The following PNLIPRP1 variants were observed in gnomAD, a reference collection of about 807,000 sequenced individuals.
PNLIPRP1 encodes the protein inactive pancreatic lipase-related protein 1.
PNLIPRP1 carries 57 observed loss-of-function variants against 54.6 expected under a neutral mutation model. The observed-to-expected ratio is 1.04, with a 90% CI of 0.84 to 1.30. PNLIPRP1 has a LOEUF of 1.30. Ranked by LOEUF, PNLIPRP1 falls within the 50% of genes most tolerant of loss-of-function variation. The pLI is 0.00. For missense variants in PNLIPRP1, 567 were observed against 568.5 expected (o/e 1.00, Z 0.03); for synonymous variants, 232 against 208.8 (o/e 1.11, Z -0.96).
intron 12 of PNLIPRP1, among the ~76,000 whole-genome samples, chr10:116,608,828 C>A (rs1405367873): frequency 3.3e-5 from 5 of 152,342 alleles, no homozygotes; most frequent in Middle Eastern, 3.4e-3. Context: ...ACTCCAGAAC[C>A]ATAGCAGACC....
At chr10:116,595,273 A>C (rs1847715540) in intron 5 of PNLIPRP1, 1 of 204,492 alleles carries the variant, frequency 4.9e-6, no homozygotes, top group Non-Finnish European at 1.0e-5. Context: ...GCCAACGGAC[A>C]GTACGTGCAA....
intron 11 of PNLIPRP1, 98 bp downstream of exon 11, chr10:116,604,236 T>C: frequency 5.2e-6 from 3 of 580,322 alleles, no homozygotes; most frequent in Non-Finnish European, 9.1e-6. Flanking sequence ...TATATGTCAC[T>C]GGTTTTTAAT....
intron 10 of PNLIPRP1, among the ~76,000 whole-genome samples, chr10:116,601,802 G>A (rs1284595207): frequency 1.3e-5 from 2 of 152,170 alleles, no homozygotes; most frequent in African/African-American, 2.4e-5. Context: ...TTCCATAGGA[G>A]GTGACCCAGT....
intron 12 of PNLIPRP1, among the ~76,000 whole-genome samples, chr10:116,607,377 G>C (rs1847952687): frequency 6.6e-6 from 1 of 152,144 alleles, no homozygotes. Flanking sequence ...TCAGACTTAT[G>C]GTTCACAGGG....
Position 116,591,844 on chromosome 10 carries a change from C to T in PNLIPRP1, c.123C>T (p.Pro41=). The T allele has an allele frequency of 1.2e-6, 2 of 1,614,206 alleles. No individual in the cohort carries two copies. The highest frequency in any genetic ancestry group is 8.5e-7 in the Non-Finnish European group (1 of 1,180,044). The change falls in exon 3 of 13, where the codon CCC becomes CCT. Residue 41 remains proline (P), a synonymous_variant. Coordinates refer to ENST00000358834, the MANE Select transcript of PNLIPRP1 (RefSeq NM_006229.4). ...TEPWGGTAIR[P]LKILPWSPEK... is the part of the protein sequence containing the mutation. Reference sequence around the variant, plus strand: ...CCTGGGGCGGGACAGCAATCAGGCCCCTGAAAATTCTCCCCTGGAGCCCTG... The same window carrying T: ...CCTGGGGCGGGACAGCAATCAGGCCTCTGAAAATTCTCCCCTGGAGCCCTG...
At chr10:116,604,206 T>C (rs1226022411) in intron 11 of PNLIPRP1, 68 bp downstream of exon 11, 3 of 819,986 alleles carry the variant, frequency 3.7e-6, no homozygotes, top group Non-Finnish European at 6.2e-6. Context: ...CACACTTAAT[T>C]TGAACACTTA....
chr10:116,595,727 C>T (rs1206478638), intron 5 of PNLIPRP1: 2 of 153,568 alleles, frequency 1.3e-5, no homozygotes, highest in Admixed American at 6.4e-5. Context: ...CATCAAGGAG[C>T]TTGCAGTGAA....
chr10:116,602,871 G>A (rs1442489349), intron 10 of PNLIPRP1, among the ~76,000 whole-genome samples: 1 of 152,194 alleles, frequency 6.6e-6, no homozygotes, highest in African/African-American at 2.4e-5. Flanking sequence ...GGGTGTCTAT[G>A]TATGTGCGTG....
At chr10:116,591,506 T>A (rs1847635446) in intron 2 of PNLIPRP1, among the ~76,000 whole-genome samples, 1 of 152,196 alleles carries the variant, frequency 6.6e-6, no homozygotes, top group South Asian at 2.1e-4. Context: ...GAGCTAGGAA[T>A]GGGACTTAGA....
Position 116,598,047 on chromosome 10 carries a change from G to A in PNLIPRP1, c.695G>A (p.Gly232Asp). 1.2e-6 allele frequency: 2 copies of A among 1,614,072 alleles called. No individual in the cohort carries two copies. The highest frequency in any genetic ancestry group is 1.7e-6 in the Non-Finnish European group (2 of 1,180,012). The change falls in exon 8 of 13, where the codon GGT becomes GAT. Residue 232 changes from glycine to aspartate, a missense_variant and splice_region_variant. Physicochemically the swap from Gly to Asp is moderately conservative, Grantham distance 94. Coordinates refer to ENST00000358834, the MANE Select transcript of PNLIPRP1 (RefSeq NM_006229.4). Reference protein sequence around the residue: ...TDAAPLIPFLGFGTNQQMGHL... With the variant: ...TDAAPLIPFLDFGTNQQMGHL... ...CTCATTGTTTTTCTAAGCATTTCAG[G>A]TTTTGGAACGAACCAACAGATGGGT...
rs782627334 is a variant in PNLIPRP1, at chr10:116,591,834, C to T, written c.113C>T (p.Ala38Val). ...FSDTEPWGGTAIRPLKILPWS... is the reference protein window; with the variant it reads ...FSDTEPWGGTVIRPLKILPWS... ...GACACTGAGCCCTGGGGCGGGACAGCAATCAGGCCCCTGAAAATTCTCCCC... is the reference window on the plus strand; with the variant it reads ...GACACTGAGCCCTGGGGCGGGACAGTAATCAGGCCCCTGAAAATTCTCCCC... The change falls in exon 3 of 13, where the codon GCA becomes GTA. Residue 38 changes from alanine (A) to valine (V), a missense_variant. By Grantham distance (64) the Ala-to-Val change is moderately conservative (BLOSUM62 0). Coordinates refer to ENST00000358834, the MANE Select transcript of PNLIPRP1 (RefSeq NM_006229.4). 2 of 1,614,212 alleles carry T rather than the reference C, an allele frequency of 1.2e-6. No homozygotes were observed. Among genetic ancestry groups the T allele is most frequent in the Non-Finnish European group, 1.7e-6 (2 of 1,180,018 alleles).
intron 4 of PNLIPRP1, chr10:116,593,223 G>A (rs1441328430): frequency 6.5e-6 from 1 of 154,304 alleles, no homozygotes; most frequent in Admixed American, 6.4e-5. Context: ...AGAATAGAAA[G>A]TGTCACCTAC....
intron 9 of PNLIPRP1, chr10:116,600,497 T>C (rs1407294069): frequency 3.0e-5 from 7 of 236,016 alleles, no homozygotes; most frequent in African/African-American, 1.6e-4. Context: ...TGCACATTTC[T>C]GGCAAGGGCA....
At chr10:116,598,740 T>A (rs1847779066) in intron 8 of PNLIPRP1, among the ~76,000 whole-genome samples, 1 of 152,156 alleles carries the variant, frequency 6.6e-6, no homozygotes. Context: ...ATTGTTGATC[T>A]AGCACACTTG....
intron 6 of PNLIPRP1, 39 bp from the exon 7 acceptor site, chr10:116,597,789 T>G: frequency 6.2e-7 from 1 of 1,613,220 alleles, no homozygotes; most frequent in South Asian, 1.1e-5. Context: ...ACATCTACAG[T>G]CAGGTCTATT....
chr10:116,594,316 C>T (rs1554863634), intron 4 of PNLIPRP1: 2 of 514,934 alleles, frequency 3.9e-6, no homozygotes, highest in Non-Finnish European at 7.7e-6. Context: ...CACTTTCCAG[C>T]AGCCTGGGGC....
In PNLIPRP1 at chr10:116,597,410, G is replaced by A. The variant is rs140202558; in HGVS notation, c.575-418G>A. On this transcript the variant is annotated intron_variant, in intron 6 of 12. Coordinates refer to ENST00000358834, the MANE Select transcript of PNLIPRP1 (RefSeq NM_006229.4). ...CAAGGTCATGCATCTTGCCCCAAAA[G>A]CAGCTGAGTAGGAATTTGGAGCCAG... Among the ~76,000 whole-genome samples, 4 of 152,224 alleles carry A rather than the reference G, an allele frequency of 2.6e-5. No individual in the cohort carries two copies. In the East Asian group the frequency reaches 5.8e-4, roughly 22 times the overall value.
intron 2 of PNLIPRP1, 69 bp from the exon 3 acceptor site, chr10:116,591,702 G>A (rs557783014): frequency 2.2e-5 from 33 of 1,519,140 alleles, no homozygotes; most frequent in Admixed American, 1.4e-4. Context: ...GACCAGGCCC[G>A]AACAGCAGTG....
Position 116,608,957 on chromosome 10 carries a change from AAAACCAAACC to A in PNLIPRP1, c.1341-77_1341-68del, listed in dbSNP as rs111591175. 3.9e-5 allele frequency: 38 copies of A among 965,872 alleles called. 1 individual carries two copies. Among genetic ancestry groups the A allele is most frequent in the Middle Eastern group, 2.1e-4 (1 of 4,846 alleles). 59.8% of individuals were successfully genotyped at this position (965,872 alleles called of 1,614,324 possible). A position where few individuals can be genotyped will look rare whatever the true frequency, so the allele number is the denominator to read the frequency against. ...GTGACCTGGGCTTAACCCCTTAAGA[AAAACCAAACC>A]AAACCAAACCAAACCAAAACAAAAC... is the stretch of plus-strand genomic sequence containing the variant. On this transcript the variant is annotated intron_variant, in intron 12 of 12. Transcript: ENST00000358834.
Sources: allele counts gnomAD v4.1 joint callset (sites outside exome capture counted in the v4.1 genomes callset), GRCh38; gene constraint gnomAD v4.1.1; transcripts MANE v1.5; gene names NCBI Gene and HGNC (gene_info 2026-07-23, HGNC 2026-07-21).